ECPAS: variants seen among roughly 807,000 people sequenced by gnomAD.
ECPAS encodes the protein proteasome adapter and scaffold protein ECM29.
Under a neutral mutation model 255.1 loss-of-function variants are expected in ECPAS, and 70 were observed. The observed-to-expected ratio is 0.27, with a 90% CI of 0.23 to 0.33. The LOEUF (loss-of-function observed/expected upper bound fraction) is 0.33. ECPAS is among the 10% of genes least tolerant of loss of function. The pLI is 1.00. For missense variants in ECPAS, 1,817 were observed against 2,206.4 expected, an observed-to-expected ratio of 0.82 and a Z score of 3.54; for synonymous variants, 784 against 775.0, an observed-to-expected ratio of 1.01 and a Z score of -0.19.
chr9:111,385,942 T>A (rs2098147651), intron 32 of ECPAS, among the ~76,000 whole-genome samples: 1 of 152,180 alleles, frequency 6.6e-6, no homozygotes, highest in African/African-American at 2.4e-5. Flanking sequence ...AGAAATATGC[T>A]TTTTGGTAGT....
intron 2 of ECPAS, among the ~76,000 whole-genome samples, chr9:111,461,743 T>C (rs2098273443): frequency 6.6e-6 from 1 of 152,312 alleles, no homozygotes; most frequent in South Asian, 2.1e-4. Flanking sequence ...GATAAAGACA[T>C]ATCCAAGACT....
At chr9:111,422,634 C>G (rs2098215784) in intron 13 of ECPAS, among the ~76,000 whole-genome samples, 1 of 152,124 alleles carries the variant, frequency 6.6e-6, no homozygotes, top group Non-Finnish European at 1.5e-5. Context: ...AGAGCAAGAC[C>G]TGGTCTACAC....
intron 8 of ECPAS, among the ~76,000 whole-genome samples, chr9:111,432,233 T>C (rs772247844): frequency 2.0e-5 from 3 of 152,226 alleles, no homozygotes; most frequent in Non-Finnish European, 4.4e-5. Flanking sequence ...GATAAAAGGA[T>C]AGAAATATCT....
Position 111,484,356 on chromosome 9 carries a change from G to A in ECPAS, c.-323C>T. On this transcript the variant is annotated 5_prime_UTR_variant, in exon 1 of 50. Transcript: ENST00000684092. ...GGCTGGGCCCGACCTGGGGAAACACGCCTGTCCAAAGGAAGAGACGTGGAC... is the reference window on the plus strand; with the variant it reads ...GGCTGGGCCCGACCTGGGGAAACACACCTGTCCAAAGGAAGAGACGTGGAC... The A allele has an allele frequency of 6.2e-7, 1 of 1,610,744 alleles. No individual in the cohort carries two copies. Among genetic ancestry groups the A allele is most frequent in the Non-Finnish European group, 8.5e-7 (1 of 1,179,072 alleles).
Position 111,406,462 on chromosome 9 carries a change from TA to T in ECPAS, c.2652+2108del, listed in dbSNP as rs2098184085. ...GGCAGCACAACAGGGCAACAATAGT[TA>T]ATAAGAATTTATTGTATATTTCAAA... is the stretch of plus-strand genomic sequence containing the variant. On this transcript the variant is annotated intron_variant, in intron 24 of 49. Transcript: ENST00000684092. 1.3e-5 allele frequency among the ~76,000 whole-genome samples: 2 copies of T among 149,890 alleles called. 1 individual carries two copies. The highest frequency in any genetic ancestry group is 5.1e-5 in the African/African-American group (2 of 39,568).
intron 38 of ECPAS, among the ~76,000 whole-genome samples, 168 bp from the exon 39 acceptor site, chr9:111,374,206 A>AT (rs895943565): frequency 4.6e-5 from 7 of 152,132 alleles, no homozygotes; most frequent in East Asian, 1.9e-4. Flanking sequence ...TAATGCAGCG[A>AT]TTTTTTTTAA....
chr9:111,439,771 A>G (rs2098243238), intron 6 of ECPAS, among the ~76,000 whole-genome samples: 1 of 152,124 alleles, frequency 6.6e-6, no homozygotes, highest in African/African-American at 2.4e-5. Flanking sequence ...GTGTTTTGCA[A>G]ATCGGGAAAA....
intron 24 of ECPAS, among the ~76,000 whole-genome samples, chr9:111,398,736 A>C (rs943039336): frequency 6.6e-6 from 1 of 152,162 alleles, no homozygotes; most frequent in Non-Finnish European, 1.5e-5. Flanking sequence ...CAGGAGTTTA[A>C]GACCAGCCTG....
intron 3 of ECPAS, among the ~76,000 whole-genome samples, chr9:111,450,847 C>G (rs1439327651): frequency 1.3e-5 from 2 of 152,202 alleles, no homozygotes; most frequent in East Asian, 1.9e-4. Flanking sequence ...AGGGCCTAAG[C>G]CCAGAAGATC....
chr9:111,483,210 G>A (rs1236183474), intron 1 of ECPAS, among the ~76,000 whole-genome samples: 1 of 151,944 alleles, frequency 6.6e-6, no homozygotes, highest in African/African-American at 2.4e-5. Flanking sequence ...TCAGTGGGCA[G>A]GGGGCTGGGC....
Position 111,417,969 on chromosome 9 carries a change from T to G in ECPAS, c.1597A>C (p.Arg533=), listed in dbSNP as rs773574809. The G allele has an allele frequency of 1.2e-6, 2 of 1,607,666 alleles. No individual in the cohort carries two copies. Among genetic ancestry groups the G allele is most frequent in the Admixed American group, 3.4e-5 (2 of 59,216 alleles). The change falls in exon 17 of 50, where the codon AGG becomes CGG. Residue 533 remains arginine, a synonymous_variant. Transcript: ENST00000684092. The part of the protein sequence containing the change: ...EVHGEAQRVL[R]CLPGRNRKES... ...TTTCTGTTTCTACCTGGAAGACACC[T>G]TAATACGCGTTGTGCTTCTCCATGA...
In ECPAS at chr9:111,373,273, T is replaced by C. The variant is rs1312889538; in HGVS notation, c.4270-37A>G. 4 of 1,613,106 alleles carry C rather than the reference T, an allele frequency of 2.5e-6. No individual in the cohort carries two copies. In the African/African-American group the frequency reaches 4.0e-5, roughly 16 times the overall value. ...ACAATCCTAAGTATTTCTTTATAAC[T>C]GTCAAAGAGTTTTATTTAACTAAGC... is the stretch of plus-strand genomic sequence containing the variant. On this transcript the variant is annotated intron_variant, in intron 40 of 49. Coordinates refer to ENST00000684092, the MANE Select transcript of ECPAS (RefSeq NM_001364929.1).
At position 111,389,676 on chromosome 9, in the gene ECPAS, C is replaced by G. The variant is rs765814504; in HGVS notation, c.3327G>C (p.Gln1109His). Reference sequence around the variant, plus strand: ...CTAGCTGAGGCAGAAAAGGAGCCAGCTGCTCTCCAGCTCTGGTAGCAATTA... The same window carrying G: ...CTAGCTGAGGCAGAAAAGGAGCCAGGTGCTCTCCAGCTCTGGTAGCAATTA... ...FNVIATRAGE[Q>H]LAPFLPQLVP... Residue 1109 changes from glutamine (Q) to histidine (H), a missense_variant, in exon 31 of 50, where the codon CAG (glutamine) becomes CAC (histidine). Physicochemically the swap from Gln to His is conservative, Grantham distance 24. Around this residue, in one of 4 missense-constraint regions of ECPAS, gnomAD observed 960 missense variants for 1,179.0 expected, o/e 0.81. Coordinates refer to ENST00000684092, the MANE Select transcript of ECPAS (RefSeq NM_001364929.1). 1.2e-6 allele frequency: 2 copies of G among 1,613,876 alleles called. No individual in the cohort carries two copies. The highest frequency in any genetic ancestry group is 1.7e-5 in the Admixed American group (1 of 60,012).
rs2098146471 is a variant in ECPAS, at chr9:111,385,320, AT to A, written c.3633+16del. 1 of 1,185,414 alleles carries A rather than the reference AT, an allele frequency of 8.4e-7. No homozygotes were observed. The highest frequency in any genetic ancestry group is 1.2e-6 in the Non-Finnish European group (1 of 833,634). The allele number at this position is 1,185,414 out of a possible 1,614,324, so 73.4% of individuals were successfully genotyped here. ...TAACTTTTTGTATATATAAATGCTG[AT>A]TTATTTCTATAATACCTTGATATCA... On this transcript the variant is annotated intron_variant, in intron 33 of 49. Coordinates refer to ENST00000684092, the MANE Select transcript of ECPAS (RefSeq NM_001364929.1).
chr9:111,417,046 C>T (rs540838194), intron 17 of ECPAS, among the ~76,000 whole-genome samples: 2 of 152,074 alleles, frequency 1.3e-5, no homozygotes, highest in Admixed American at 6.5e-5. Flanking sequence ...GGAGAACCAG[C>T]GTGGGCAATA....
In ECPAS at chr9:111,451,516, T is replaced by C; in HGVS notation, c.62A>G (p.Glu21Gly). ...ERVFLRLGHA[E>G]TDEQLQNIIS... ...AATATTCTGTAATTGTTCATCTGTTTCAGCATGGCCAAGTCGTAAAAAGAC... is the reference window on the plus strand; with the variant it reads ...AATATTCTGTAATTGTTCATCTGTTCCAGCATGGCCAAGTCGTAAAAAGAC... Residue 21 changes from glutamate to glycine, a missense_variant, in exon 3 of 50, where the codon GAA becomes GGA. Coordinates refer to ENST00000684092, the MANE Select transcript of ECPAS (RefSeq NM_001364929.1). 6.3e-7 allele frequency: 1 copy of C among 1,576,914 alleles called. No individual in the cohort carries two copies. The highest frequency in any genetic ancestry group is 1.2e-5 in the South Asian group (1 of 85,394).
At chr9:111,386,251 A>C in intron 32 of ECPAS, 126 bp downstream of exon 32, 1 of 697,462 alleles carries the variant, frequency 1.4e-6, no homozygotes, top group Non-Finnish European at 2.5e-6. Flanking sequence ...GGTGTGAGCC[A>C]CCACGCCCGG....
intron 41 of ECPAS, among the ~76,000 whole-genome samples, chr9:111,372,902 C>T (rs2098129137): frequency 6.6e-6 from 1 of 152,012 alleles, no homozygotes; most frequent in Admixed American, 6.6e-5. Context: ...CGTGGTGGCA[C>T]GTGCCTGTAG....
chr9:111,382,444 T>G (rs1249782460), intron 35 of ECPAS, among the ~76,000 whole-genome samples: 1 of 151,826 alleles, frequency 6.6e-6, no homozygotes, highest in African/African-American at 2.4e-5. Flanking sequence ...TTTTTTGTAT[T>G]TTTAGTAGAG....
Sources: gnomAD v4.1 joint callset for allele counts (sites outside exome capture counted in the v4.1 genomes callset) on GRCh38, gnomAD v4.1.1 for gene constraint, gnomAD v4.1.1 regional missense constraint, MANE v1.5 for transcripts, NCBI Gene and HGNC (gene_info 2026-07-23, HGNC 2026-07-21) for gene names.